Variants in ATE1 observed in about 807,000 individuals in gnomAD.
The protein encoded by ATE1 is arginyltransferase 1, also known as arginyl-tRNA--protein transferase 1.
Under a neutral mutation model 70.5 loss-of-function variants are expected in ATE1, and 36 were observed. The ratio of observed to expected loss-of-function variants is 0.51; its 90% CI spans 0.39 to 0.67. ATE1 has a LOEUF of 0.67. ATE1 is among the 30% of genes least tolerant of loss of function. The pLI, the probability that ATE1 is intolerant of heterozygous loss-of-function variation, is 0.00. For synonymous variants in ATE1, 232 were observed against 219.3 expected, an observed-to-expected ratio of 1.06 and a Z score of -0.51; for missense variants, 593 against 629.5, an observed-to-expected ratio of 0.94 and a Z score of 0.62.
In ATE1 at chr10:121,913,804, T is replaced by C. The variant is rs765694044; in HGVS notation, c.323A>G (p.Lys108Arg). Residue 108 changes from lysine to arginine, a missense_variant, in exon 4 of 12, where the codon AAA becomes AGA. This residue lies in a region of ATE1 where 467 missense variants were observed against 469.6 expected (regional missense o/e 0.99). Transcript: ENST00000224652. ...GCCCATCTTACCCTCACAACTTCCT[T>C]TGGGAACCTCCCCTTTAGCTAGAAA... ...LKFLAKGEVPKGSCEDEPMDS... is the reference protein window; with the variant it reads ...LKFLAKGEVPRGSCEDEPMDS... 2.9e-5 allele frequency: 46 copies of C among 1,612,224 alleles called. No homozygotes were observed. The South Asian group carries it at 4.7e-4, about 17-fold the overall frequency.
chr10:121,841,302 T>C (rs772366585), intron 8 of ATE1, 39 bp from the exon 9 acceptor site: 2 of 1,274,488 alleles, frequency 1.6e-6, no homozygotes, highest in Non-Finnish European at 2.0e-6. Flanking sequence ...ATTTTTTTAA[T>C]ATTAAAATAA....
Position 121,836,605 on chromosome 10 carries a change from T to C in ATE1, c.1257+113A>G, listed in dbSNP as rs528726949. ...TCTGAGGCAGCAAAGAGATTTCCTA[T>C]TAACCCATTCGTCCTTCCTTCAAAG... On this transcript the variant is annotated intron_variant, in intron 10 of 11. Transcript: ENST00000224652. 9 of 620,600 alleles carry C rather than the reference T, an allele frequency of 1.5e-5. No individual in the cohort carries two copies. In the African/African-American group the frequency reaches 1.5e-4, roughly 11 times the overall value. The allele number at this position is 620,600 out of a possible 1,614,324, so 38.4% of individuals were successfully genotyped here.
At chr10:121,877,462 T>G (rs1290054531) in intron 7 of ATE1, among the ~76,000 whole-genome samples, 1 of 152,136 alleles carries the variant, frequency 6.6e-6, no homozygotes, top group East Asian at 1.9e-4. Context: ...TTCCTAGGTA[T>G]GGAGTATAGT....
At chr10:121,921,303 A>G (rs1951872504) in intron 3 of ATE1, among the ~76,000 whole-genome samples, 1 of 151,930 alleles carries the variant, frequency 6.6e-6, no homozygotes, top group African/African-American at 2.4e-5. Flanking sequence ...GCTCCCACTT[A>G]TAAGTGAGTG....
intron 8 of ATE1, among the ~76,000 whole-genome samples, chr10:121,856,251 C>G (rs185689596): frequency 6.6e-6 from 1 of 151,956 alleles, no homozygotes; most frequent in African/African-American, 2.4e-5. Context: ...CATACCTGGC[C>G]GGGCGCAGTG....
At chr10:121,775,434 T>C (rs553241663) in intron 11 of ATE1, among the ~76,000 whole-genome samples, 1 of 152,018 alleles carries the variant, frequency 6.6e-6, no homozygotes, top group Non-Finnish European at 1.5e-5. Context: ...TATAACTATG[T>C]AACCAATGTG....
chr10:121,809,813 T>C lies in ATE1; in HGVS notation c.1258-19524A>G, dbSNP rs576988300. ...AAGGGGCAAACAGAAGAAGGGCTGG[T>C]GAAGATGAAAAAGTGCAGTCAGAGA... On this transcript the variant is annotated intron_variant, in intron 10 of 11. Transcript: ENST00000224652. 1.1e-4 allele frequency among the ~76,000 whole-genome samples: 16 copies of C among 150,940 alleles called. No individual in the cohort carries two copies. In the South Asian group the frequency reaches 1.7e-3, roughly 16 times the overall value.
chr10:121,911,205 G>A, intron 4 of ATE1, 54 bp from the exon 5 acceptor site: 10 of 1,569,300 alleles, frequency 6.4e-6, no homozygotes, highest in South Asian at 1.2e-5. Flanking sequence ...GATACAGTTA[G>A]GTAAATACAG....
chr10:121,804,432 C>T (rs910342936), intron 10 of ATE1, among the ~76,000 whole-genome samples: 1 of 152,180 alleles, frequency 6.6e-6, no homozygotes, highest in African/African-American at 2.4e-5. Context: ...GCATAATTAT[C>T]AGTTTACCAC....
intron 7 of ATE1, among the ~76,000 whole-genome samples, chr10:121,876,920 A>T (rs761298237): frequency 2.0e-5 from 3 of 150,878 alleles, no homozygotes; most frequent in Non-Finnish European, 4.4e-5. Flanking sequence ...GAGCCGAGAT[A>T]GCGCCACTGC....
At chr10:121,762,698 C>A (rs1945101990) in intron 11 of ATE1, among the ~76,000 whole-genome samples, 2 of 152,182 alleles carry the variant, frequency 1.3e-5, no homozygotes. Flanking sequence ...CCACTTTGTG[C>A]CCTGAGCTAC....
chr10:121,794,660 G>GAAA (rs1188995708), intron 10 of ATE1, among the ~76,000 whole-genome samples: 1 of 49,704 alleles, frequency 2.0e-5, no homozygotes, highest in African/African-American at 1.0e-4. Context: ...AGAATGTCTG[G>GAAA]TAAAAAAAAA....
chr10:121,883,104 A>G (rs1292425492), intron 7 of ATE1, among the ~76,000 whole-genome samples: 1 of 152,172 alleles, frequency 6.6e-6, no homozygotes, highest in African/African-American at 2.4e-5. Flanking sequence ...TAACTTTACT[A>G]ACAATAAACT....
At chr10:121,842,947 C>G (rs1948685116) in intron 8 of ATE1, among the ~76,000 whole-genome samples, 1 of 152,102 alleles carries the variant, frequency 6.6e-6, no homozygotes, top group African/African-American at 2.4e-5. Flanking sequence ...TCTCATCACT[C>G]CTAGTCAACA....
intron 8 of ATE1, among the ~76,000 whole-genome samples, chr10:121,859,149 G>C (rs1949371762): frequency 6.6e-6 from 1 of 152,080 alleles, no homozygotes. Flanking sequence ...TGAAATTTGT[G>C]ATTTATATAC....
chr10:121,810,984 A>G (rs937383196), intron 10 of ATE1, among the ~76,000 whole-genome samples: 4 of 152,206 alleles, frequency 2.6e-5, no homozygotes, highest in African/African-American at 9.6e-5. Context: ...TACACGTGTG[A>G]GCCATCACGC....
chr10:121,792,296 T>A (rs866864253), intron 10 of ATE1, among the ~76,000 whole-genome samples: 2 of 152,180 alleles, frequency 1.3e-5, no homozygotes, highest in South Asian at 4.1e-4. Flanking sequence ...GATCAGATTC[T>A]GGGGGACATT....
At chr10:121,848,490 G>A (rs1056125359) in intron 8 of ATE1, among the ~76,000 whole-genome samples, 2 of 151,096 alleles carry the variant, frequency 1.3e-5, no homozygotes, top group East Asian at 3.9e-4. Flanking sequence ...TGGTGGTGGG[G>A]GCCTGTAATC....
intron 10 of ATE1, among the ~76,000 whole-genome samples, chr10:121,806,467 A>C (rs548398961): frequency 1.3e-5 from 2 of 152,224 alleles, no homozygotes; most frequent in South Asian, 4.2e-4. Flanking sequence ...ACCCCCAAAA[A>C]ACCCATAACA....
Sources: allele counts gnomAD v4.1 joint callset (sites outside exome capture counted in the v4.1 genomes callset), GRCh38; gene constraint gnomAD v4.1.1; regional missense constraint gnomAD v4.1.1; transcripts MANE v1.5; gene names NCBI Gene and HGNC (gene_info 2026-07-23, HGNC 2026-07-21).